ATG10: variants seen among roughly 807,000 people sequenced by gnomAD.
The protein encoded by ATG10 is autophagy related 10.
In ATG10, 30 loss-of-function variants were observed where a neutral mutation model predicts 32.1. The ratio of observed to expected loss-of-function variants is 0.94; its 90% CI spans 0.70 to 1.27. The LOEUF is 1.27. Ranked by LOEUF, ATG10 falls within the 50% of genes most tolerant of loss-of-function variation. The pLI is 0.00. For synonymous variants in ATG10, 87 were observed against 91.5 expected (o/e 0.95, Z 0.28); for missense variants, 233 against 262.3 (o/e 0.89, Z 0.77).
At chr5:81,982,448 C>CA (rs1761077543) in intron 1 of ATG10, among the ~76,000 whole-genome samples, 1 of 151,748 alleles carries the variant, frequency 6.6e-6, no homozygotes, top group South Asian at 2.1e-4. Flanking sequence ...ATTCCGTCTC[C>CA]AAAAAACAAA....
intron 5 of ATG10, among the ~76,000 whole-genome samples, chr5:82,210,393 A>G (rs72778506): frequency 0.016 from 2,398 of 152,302 alleles, 32 homozygotes; most frequent in Middle Eastern, 0.037. Flanking sequence ...TTCAGTCCCT[A>G]TGAGAGCTGA....
chr5:82,176,852 T>C (rs181248171), intron 4 of ATG10, among the ~76,000 whole-genome samples: 104 of 152,290 alleles, frequency 6.8e-4, no homozygotes, highest in African/African-American at 2.4e-3. Flanking sequence ...CTCCTGCCGC[T>C]AGATAAATGC....
chr5:82,058,533 A>C lies in ATG10; in HGVS notation c.147A>C (p.Gln49His), dbSNP rs777066432. 1.9e-6 allele frequency: 3 copies of C among 1,613,372 alleles called. No homozygotes were observed. The South Asian group carries it at 3.3e-5, about 18-fold the overall frequency. Residue 49 changes from glutamine to histidine, a missense_variant, in exon 3 of 8, where the codon CAA becomes CAC. Transcript: ENST00000282185. Reference protein sequence around the residue: ...SDGYMCKIHFQIKNGSVMSHL... With the variant: ...SDGYMCKIHFHIKNGSVMSHL... ...GCTACATGTGCAAAATACACTTTCA[A>C]ATTAAGAATGGGTCTGTGATGTCAC...
intron 5 of ATG10, among the ~76,000 whole-genome samples, chr5:82,199,384 C>G (rs554705756): frequency 1.3e-5 from 2 of 152,090 alleles, no homozygotes; most frequent in Non-Finnish European, 2.9e-5. Flanking sequence ...CTCAAATTTT[C>G]TTTTTAATAA....
intron 3 of ATG10, among the ~76,000 whole-genome samples, chr5:82,136,769 T>C (rs894869368): frequency 2.0e-5 from 3 of 152,212 alleles, no homozygotes; most frequent in South Asian, 2.1e-4. Flanking sequence ...TTTTGCTAGG[T>C]TGGGGACGTT....
At chr5:82,109,396 T>A (rs1765542634) in intron 3 of ATG10, among the ~76,000 whole-genome samples, 1 of 151,988 alleles carries the variant, frequency 6.6e-6, no homozygotes, top group African/African-American at 2.4e-5. Context: ...TTCCGCCTCA[T>A]GACTCAGTTT....
At chr5:82,127,181 T>C (rs545977182) in intron 3 of ATG10, among the ~76,000 whole-genome samples, 2 of 152,170 alleles carry the variant, frequency 1.3e-5, no homozygotes, top group African/African-American at 2.4e-5. Flanking sequence ...TTTTCTTCTT[T>C]ATTATTCTGG....
intron 3 of ATG10, among the ~76,000 whole-genome samples, chr5:82,083,443 A>G (rs936500039): frequency 2.0e-5 from 3 of 152,236 alleles, no homozygotes; most frequent in African/African-American, 7.2e-5. Flanking sequence ...AAACTTGTGC[A>G]GACTTAAACA....
chr5:82,122,625 C>G (rs573712227), intron 3 of ATG10, among the ~76,000 whole-genome samples: 1 of 152,284 alleles, frequency 6.6e-6, no homozygotes, highest in African/African-American at 2.4e-5. Context: ...TGACAATGGT[C>G]TAATATCCAG....
intron 3 of ATG10, among the ~76,000 whole-genome samples, chr5:82,068,686 A>ATATATATATATCTTATATATATATCAAG (rs1367949381): frequency 3.3e-4 from 49 of 147,074 alleles, no homozygotes; most frequent in Non-Finnish European, 6.9e-4. Context: ...AAACTTAAAT[A>ATATATATATATCTTATATATATATCAAG]TATATATATA....
intron 5 of ATG10, among the ~76,000 whole-genome samples, chr5:82,213,229 G>A (rs1228761662): frequency 6.6e-6 from 1 of 152,040 alleles, no homozygotes; most frequent in Non-Finnish European, 1.5e-5. Flanking sequence ...CTTCATACAC[G>A]AATTTCTCTC....
At chr5:82,039,138 G>A (rs188986236) in intron 2 of ATG10, among the ~76,000 whole-genome samples, 2 of 152,298 alleles carry the variant, frequency 1.3e-5, no homozygotes, top group South Asian at 2.1e-4. Flanking sequence ...GAGCCACCGT[G>A]CCTGGCCCCC....
At chr5:82,194,478 C>T (rs1356414961) in intron 5 of ATG10, among the ~76,000 whole-genome samples, 3 of 152,030 alleles carry the variant, frequency 2.0e-5, no homozygotes, top group Admixed American at 6.6e-5. Flanking sequence ...TTAAATATTC[C>T]GGATTCAACA....
intron 3 of ATG10, among the ~76,000 whole-genome samples, chr5:82,151,730 T>C (rs1300709260): frequency 6.6e-6 from 1 of 152,184 alleles, no homozygotes; most frequent in Non-Finnish European, 1.5e-5. Context: ...AATATGGATT[T>C]ATATTTGCTA....
At chr5:82,213,228 C>T (rs373080177) in intron 5 of ATG10, among the ~76,000 whole-genome samples, 5 of 152,200 alleles carry the variant, frequency 3.3e-5, no homozygotes, top group African/African-American at 7.2e-5. Flanking sequence ...TCTTCATACA[C>T]GAATTTCTCT....
intron 1 of ATG10, among the ~76,000 whole-genome samples, chr5:81,984,299 C>G (rs964781901): frequency 6.6e-6 from 1 of 152,234 alleles, no homozygotes; most frequent in Non-Finnish European, 1.5e-5. Flanking sequence ...TGGCGGCGCG[C>G]GCCTGCAATC....
chr5:82,200,931 CCAGG>C (rs1231144358), intron 5 of ATG10, among the ~76,000 whole-genome samples: 3 of 149,598 alleles, frequency 2.0e-5, no homozygotes, highest in Admixed American at 1.3e-4. Context: ...TCTCTGTCAC[CCAGG>C]CTGGAGTGCA....
intron 5 of ATG10, among the ~76,000 whole-genome samples, chr5:82,196,564 CA>C (rs1352656935): frequency 6.6e-6 from 1 of 152,096 alleles, no homozygotes. Flanking sequence ...TTGTATGTAG[CA>C]ATGAGGTAGG....
intron 3 of ATG10, among the ~76,000 whole-genome samples, chr5:82,162,811 T>C (rs1279444618): frequency 1.5e-5 from 2 of 131,590 alleles, no homozygotes; most frequent in South Asian, 4.7e-4. Context: ...AGCATATGTA[T>C]GTATAGCAGG....
Sources: gnomAD v4.1 joint callset for allele counts (sites outside exome capture counted in the v4.1 genomes callset) on GRCh38, gnomAD v4.1.1 for gene constraint, MANE v1.5 for transcripts, NCBI Gene and HGNC (gene_info 2026-07-23, HGNC 2026-07-21) for gene names.